ZFHX3: variants seen among roughly 807,000 people sequenced by gnomAD.
ZFHX3 encodes the protein zinc finger homeobox protein 3.
Under a neutral mutation model 279.1 loss-of-function variants are expected in ZFHX3, and 42 were observed. The observed-to-expected ratio is 0.15, with a 90% CI of 0.12 to 0.19. The LOEUF (loss-of-function observed/expected upper bound fraction) is 0.19. ZFHX3 is among the 10% of genes least tolerant of loss of function. The pLI, the probability that ZFHX3 is intolerant of heterozygous loss-of-function variation, is 1.00. For missense variants in ZFHX3, 4,981 were observed against 4,754.0 expected, an observed-to-expected ratio of 1.05 and a Z score of -1.40; for synonymous variants, 2,293 against 1,957.8, an observed-to-expected ratio of 1.17 and a Z score of -4.52.
chr16:73,405,483 C>G (rs947428399), intron 3 of ZFHX3, among the ~76,000 whole-genome samples: 1 of 152,070 alleles, frequency 6.6e-6, no homozygotes, highest in Non-Finnish European at 1.5e-5. Flanking sequence ...AAGAACATCT[C>G]CAGGTATTTT....
chr16:72,796,429 G>A lies in ZFHX3; in HGVS notation c.6253C>T (p.Leu2085Phe). 5.0e-6 allele frequency: 8 copies of A among 1,611,250 alleles called. No individual in the cohort carries two copies. The highest frequency in any genetic ancestry group is 6.8e-6 in the Non-Finnish European group (8 of 1,180,000). ...TIAPAQPSVP[L>F]TQLSMPMELP... ...TCCATCGGCATGGAGAGCTGGGTGA[G>A]CGGCACTGATGGCTGGGCCGGTGCA... Residue 2085 changes from leucine (L) to phenylalanine (F), a missense_variant, in exon 9 of 10, where the codon CTC (leucine) becomes TTC (phenylalanine). Leu to Phe is a conservative substitution (Grantham distance 22). Around this residue, in one of 7 missense-constraint regions of ZFHX3, gnomAD observed 1,751 missense variants for 1,770.0 expected, o/e 0.99. Coordinates refer to ENST00000268489, the MANE Select transcript of ZFHX3 (RefSeq NM_006885.4).
At chr16:73,352,389 A>G (rs1033648104) in intron 3 of ZFHX3, among the ~76,000 whole-genome samples, 5 of 150,008 alleles carry the variant, frequency 3.3e-5, no homozygotes, top group Admixed American at 1.3e-4. Context: ...TGAAATGAGG[A>G]TAACGGCTCC....
At position 72,910,456 on chromosome 16, in the gene ZFHX3, G is replaced by C. The variant is rs544191195; in HGVS notation, c.3217-20494C>G. ...CAAGTGATCAGGAAATCTGGATTGAGAAAAATGAAGTATTTAGGTGTTTTC... is the reference window on the plus strand; with the variant it reads ...CAAGTGATCAGGAAATCTGGATTGACAAAAATGAAGTATTTAGGTGTTTTC... On this transcript the variant is annotated intron_variant, in intron 3 of 9. Transcript: ENST00000268489. Among the ~76,000 whole-genome samples the C allele has an allele frequency of 2.6e-4, 40 of 152,336 alleles. 2 individuals are homozygous for C. Among genetic ancestry groups the C allele is most frequent in the African/African-American group, 9.6e-4 (40 of 41,576 alleles).
chr16:73,235,390 C>T (rs2012911631), intron 5 of ZFHX3, among the ~76,000 whole-genome samples: 1 of 152,144 alleles, frequency 6.6e-6, no homozygotes, highest in South Asian at 2.1e-4. Context: ...GCCACTTTTT[C>T]TTTATTTTAA....
intron 1 of ZFHX3, among the ~76,000 whole-genome samples, chr16:73,701,187 G>A (rs1457316125): frequency 6.6e-6 from 1 of 152,094 alleles, no homozygotes; most frequent in Non-Finnish European, 1.5e-5. Flanking sequence ...CAATAAATAA[G>A]CAAAACAAAG....
chr16:72,908,849 A>G (rs1437937220), intron 3 of ZFHX3, among the ~76,000 whole-genome samples: 1 of 152,240 alleles, frequency 6.6e-6, no homozygotes, highest in African/African-American at 2.4e-5. Flanking sequence ...GTAAAGAGCC[A>G]TATTACTTAA....
At chr16:72,940,127 G>T (rs1960340530) in intron 3 of ZFHX3, among the ~76,000 whole-genome samples, 1 of 151,870 alleles carries the variant, frequency 6.6e-6, no homozygotes, top group African/African-American at 2.4e-5. Context: ...GCCCAGGCTG[G>T]TCTTGAACTC....
intron 2 of ZFHX3, among the ~76,000 whole-genome samples, chr16:73,603,824 A>G (rs1183694196): frequency 1.5e-5 from 2 of 129,314 alleles, no homozygotes; most frequent in East Asian, 4.4e-4. Flanking sequence ...CCCAGGCTGG[A>G]GTGCAGTGGC....
intron 2 of ZFHX3, among the ~76,000 whole-genome samples, chr16:73,496,534 C>G (rs931753796): frequency 6.6e-6 from 1 of 152,126 alleles, no homozygotes; most frequent in Non-Finnish European, 1.5e-5. Flanking sequence ...CCATCTTAAA[C>G]AAACAAACAA....
At chr16:73,886,417 G>A (rs1023567877) in intron 1 of ZFHX3, among the ~76,000 whole-genome samples, 3 of 152,156 alleles carry the variant, frequency 2.0e-5, no homozygotes, top group South Asian at 2.1e-4. Context: ...AAACACAGGA[G>A]CAAAATAAGG....
chr16:73,691,722 T>G (rs576680931), intron 1 of ZFHX3, among the ~76,000 whole-genome samples: 3 of 152,216 alleles, frequency 2.0e-5, no homozygotes, highest in South Asian at 2.1e-4. Flanking sequence ...GGGCCTGAAT[T>G]TGAACCCAGA....
intron 5 of ZFHX3, among the ~76,000 whole-genome samples, chr16:73,254,809 A>G (rs1207477977): frequency 6.6e-6 from 1 of 152,166 alleles, no homozygotes; most frequent in Non-Finnish European, 1.5e-5. Flanking sequence ...AAGGTTTGTA[A>G]GACACATAAA....
At chr16:73,709,477 A>G (rs556951530) in intron 1 of ZFHX3, among the ~76,000 whole-genome samples, 1 of 152,256 alleles carries the variant, frequency 6.6e-6, no homozygotes, top group African/African-American at 2.4e-5. Context: ...TCTCATTTGC[A>G]ACAACGTGGA....
intron 3 of ZFHX3, among the ~76,000 whole-genome samples, chr16:73,453,920 A>T (rs1567488955): frequency 1.3e-5 from 2 of 152,168 alleles, no homozygotes; most frequent in Non-Finnish European, 2.9e-5. Context: ...ACCTCCCACC[A>T]GGTCCCTCCC....
intron 4 of ZFHX3, among the ~76,000 whole-genome samples, chr16:73,264,948 ATATATATATGTGTGTATATATGTG>A (rs1220194100): frequency 6.6e-6 from 1 of 151,302 alleles, no homozygotes; most frequent in Non-Finnish European, 1.5e-5. Context: ...CATTTTACAT[ATATATATATGTGTGTATATATGTG>A]TATATATATG....
rs138262341 is a variant in ZFHX3, at chr16:72,798,126, G to A, written c.4556C>T (p.Ser1519Leu). 1.5e-4 allele frequency: 243 copies of A among 1,614,208 alleles called. 1 individual carries two copies. The African/African-American group carries it at 2.6e-3, about 17-fold the overall frequency. ...GAAAGGCAGAGCTCTCTTTGGCTCT[G>A]AGCCCGAGTCTTCTTGTACTGACCC... ...DSGSVQEDSG[S>L]EPKRALPFRK... The change falls in exon 9 of 10, where the codon TCA becomes TTA. Residue 1519 changes from serine to leucine, a missense_variant. By Grantham distance (145) the Ser-to-Leu change is moderately radical. Transcript: ENST00000268489.
At chr16:73,456,252 C>G (rs1567489739) in exon 3 of ZFHX3, 4 of 152,096 alleles carry the variant, frequency 2.6e-5, no homozygotes, top group African/African-American at 7.2e-5. Flanking sequence ...CCTTGTTCTC[C>G]AAGTCCCTGG....
intron 1 of ZFHX3, chr16:73,058,501 A>C: frequency 7.4e-6 from 1 of 134,256 alleles, no homozygotes; most frequent in Admixed American, 7.7e-5. Context: ...GCGGCGGGAA[A>C]AAAAAAAGAG....
chr16:72,982,429 C>A (rs1962647885), intron 1 of ZFHX3, among the ~76,000 whole-genome samples: 1 of 152,100 alleles, frequency 6.6e-6, no homozygotes, highest in African/African-American at 2.4e-5. Flanking sequence ...AAGAGAATCA[C>A]CAACTCACAG....
Sources: gnomAD v4.1 joint callset for allele counts (sites outside exome capture counted in the v4.1 genomes callset) on GRCh38, gnomAD v4.1.1 for gene constraint, gnomAD v4.1.1 regional missense constraint, MANE v1.5 for transcripts, NCBI Gene and HGNC (gene_info 2026-07-23, HGNC 2026-07-21) for gene names.